TRIP12: variants seen among roughly 807,000 people sequenced by gnomAD.
TRIP12 encodes thyroid hormone receptor interactor 12.
In TRIP12, 25 loss-of-function variants were observed where a neutral mutation model predicts 244.2. The ratio of observed to expected loss-of-function variants is 0.10; its 90% CI spans 0.07 to 0.14. The LOEUF is 0.14. Among genes scored for constraint, TRIP12 ranks in the 10% least tolerant of loss-of-function variants. The pLI is 1.00. For synonymous variants in TRIP12, 905 were observed against 873.1 expected (o/e 1.04, Z -0.64); for missense variants, 1,677 against 2,486.4 (o/e 0.67, Z 6.92).
Position 229,858,999 on chromosome 2 carries a change from C to T in TRIP12, c.800G>A (p.Gly267Glu). 1 of 1,614,198 alleles carries T rather than the reference C, an allele frequency of 6.2e-7. No homozygotes were observed. Among genetic ancestry groups the T allele is most frequent in the Non-Finnish European group, 8.5e-7 (1 of 1,180,032 alleles). The part of the protein sequence containing the change: ...TVPPGARVKQ[G>E]KDQNKARRSR... ...ACGCCTGGCCTTGTTCTGATCTTTT[C>T]CTTGTTTCACTCTGGCACCTGGTGG... Residue 267 changes from glycine to glutamate, a missense_variant, in exon 4 of 42, where the codon GGA (glycine) becomes GAA (glutamate). By Grantham distance (98) the Gly-to-Glu change is moderately conservative (BLOSUM62 -2). Coordinates refer to ENST00000675903, the MANE Select transcript of TRIP12 (RefSeq NM_001348323.3).
chr2:229,901,757 G>T (rs906863486), intron 1 of TRIP12, among the ~76,000 whole-genome samples: 2 of 152,066 alleles, frequency 1.3e-5, no homozygotes, highest in Non-Finnish European at 2.9e-5. Context: ...CAGACAAATA[G>T]CAATTACCAG....
intron 2 of TRIP12, among the ~76,000 whole-genome samples, chr2:229,876,230 G>A (rs1363221598): frequency 1.3e-5 from 2 of 152,028 alleles, no homozygotes; most frequent in Non-Finnish European, 2.9e-5. Context: ...GAGCCCGGAT[G>A]ATGCCACTGC....
At chr2:229,811,521 AT>A (rs1171222285) in intron 13 of TRIP12, among the ~76,000 whole-genome samples, 4 of 152,166 alleles carry the variant, frequency 2.6e-5, no homozygotes, top group Non-Finnish European at 5.9e-5. Flanking sequence ...AAATATATAA[AT>A]ATCCTACTTT....
At chr2:229,813,593 G>A (rs895660228) in intron 13 of TRIP12, among the ~76,000 whole-genome samples, 1 of 152,084 alleles carries the variant, frequency 6.6e-6, no homozygotes, top group Non-Finnish European at 1.5e-5. Flanking sequence ...AGACCAGCCT[G>A]GCCAACATAG....
chr2:229,922,521 C>T (rs577947245), upstream of TRIP12: 4 of 1,613,904 alleles, frequency 2.5e-6, no homozygotes. Flanking sequence ...AAGATGGCGT[C>T]GTGGCTGCCG....
chr2:229,776,883 T>C (rs548694789), intron 37 of TRIP12, among the ~76,000 whole-genome samples: 5 of 152,180 alleles, frequency 3.3e-5, no homozygotes, highest in African/African-American at 1.2e-4. Context: ...CAAGGAATAG[T>C]TGTTGGCACT....
At chr2:229,922,388 C>T, upstream of TRIP12, 2 of 890,252 alleles carry the variant, frequency 2.2e-6, no homozygotes, top group East Asian at 2.6e-5. Context: ...GGACGATCGC[C>T]CCAAGTTAGA....
chr2:229,781,005 C>A (rs1303862877), intron 34 of TRIP12, among the ~76,000 whole-genome samples: 1 of 152,234 alleles, frequency 6.6e-6, no homozygotes, highest in Non-Finnish European at 1.5e-5. Context: ...CCAGGTTCAA[C>A]AGAAGTCACA....
intron 1 of TRIP12, among the ~76,000 whole-genome samples, chr2:229,880,608 C>T (rs1368622737): frequency 6.6e-6 from 1 of 152,192 alleles, no homozygotes; most frequent in African/African-American, 2.4e-5. Flanking sequence ...GTCATGTCTT[C>T]TTCACAGTAT....
In TRIP12 at chr2:229,770,013, C is replaced by A. The variant is rs532292153; in HGVS notation, c.5809-688G>T. Among the ~76,000 whole-genome samples the A allele has an allele frequency of 2.6e-5, 4 of 152,270 alleles. No individual in the cohort carries two copies. The East Asian group carries it at 7.7e-4, about 29-fold the overall frequency. On this transcript the variant is annotated intron_variant, in intron 39 of 41. Coordinates refer to ENST00000675903, the MANE Select transcript of TRIP12 (RefSeq NM_001348323.3). ...AAAGACAAAGCTTTGCTCTGTTGCC[C>A]AGGCTGGAGTGTAGTGGCCTAATCA...
chr2:229,850,859 G>A lies in TRIP12; in HGVS notation c.1027+7913C>T, dbSNP rs567830529. On this transcript the variant is annotated intron_variant, in intron 4 of 41. Transcript: ENST00000675903. ...CCAGGCAATGAGGGGCTCAGCACCC[G>A]GGCCAGCGGCTGCGGAGAGTGTACT... 6.6e-4 allele frequency among the ~76,000 whole-genome samples: 101 copies of A among 152,340 alleles called. 1 individual carries two copies. Among genetic ancestry groups the A allele is most frequent in the African/African-American group, 1.6e-3 (65 of 41,584 alleles).
At position 229,834,422 on chromosome 2, in the gene TRIP12, A is replaced by G. The variant is rs190409994; in HGVS notation, c.1270+2426T>C. On this transcript the variant is annotated intron_variant, in intron 6 of 41. Transcript: ENST00000675903. ...CCACTAGCATTTGCAAGACTTTATC[A>G]ACACTATAAAGGTCTGTACAGTTCT... 3.4e-4 allele frequency among the ~76,000 whole-genome samples: 52 copies of G among 152,354 alleles called. 1 individual carries two copies. Among genetic ancestry groups the G allele is most frequent in the Admixed American group, 3.0e-3 (46 of 15,310 alleles).
At chr2:229,803,727 G>T in intron 19 of TRIP12, 38 bp from the exon 20 acceptor site, 1 of 1,446,458 alleles carries the variant, frequency 6.9e-7, no homozygotes, top group Non-Finnish European at 9.5e-7. Context: ...AACTCTGCCT[G>T]AATTTGATGA....
At chr2:229,816,998 T>C (rs892010647) in intron 9 of TRIP12, among the ~76,000 whole-genome samples, 1 of 152,238 alleles carries the variant, frequency 6.6e-6, no homozygotes, top group African/African-American at 2.4e-5. Context: ...ATTTGATAAC[T>C]GGCTTTTATT....
At chr2:229,830,622 ATTT>A in intron 7 of TRIP12, 131 bp downstream of exon 7, 1 of 660,128 alleles carries the variant, frequency 1.5e-6, no homozygotes, top group Non-Finnish European at 2.4e-6. Context: ...GCTACTAAAA[ATTT>A]TTTTTTCTTG....
At chr2:229,815,849 T>C (rs2048369262) in intron 9 of TRIP12, among the ~76,000 whole-genome samples, 3 of 152,148 alleles carry the variant, frequency 2.0e-5, no homozygotes, top group Admixed American at 6.6e-5. Context: ...CAGAAACTAA[T>C]TATGCACTAA....
rs541192814 is a variant in TRIP12 at position 229,876,566 on chromosome 2, G to C, written c.98+3416C>G. ...GATTTGTCATTCTACAAATCTAATC[G>C]AGTTCCATCTCTGTTACAACTTTGA... On this transcript the variant is annotated intron_variant, in intron 2 of 41. Transcript: ENST00000675903. Among the ~76,000 whole-genome samples the C allele has an allele frequency of 4.6e-4, 70 of 152,244 alleles. No homozygotes were observed. In the South Asian group the frequency reaches 0.014, roughly 31 times the overall value.
Position 229,815,274 on chromosome 2 carries a change from A to G in TRIP12, c.1634T>C (p.Ile545Thr), listed in dbSNP as rs1384815366. 4 of 1,490,464 alleles carry G rather than the reference A, an allele frequency of 2.7e-6. No homozygotes were observed. The highest frequency in any genetic ancestry group is 3.5e-5 in the Admixed American group (2 of 57,424). 92.3% of individuals were successfully genotyped at this position (1,490,464 alleles called of 1,614,324 possible). Residue 545 changes from isoleucine to threonine, a missense_variant and splice_region_variant, in exon 10 of 42, where the codon ATT becomes ACT. Coordinates refer to ENST00000675903, the MANE Select transcript of TRIP12 (RefSeq NM_001348323.3). ...TLLQMEHNFD[I>T]MNHACRALTY... Reference sequence around the variant, plus strand: ...TAAAAAAATACAATATATACTTACAATATCAAAATTGTGCTCCATCTGAAG... The same window carrying G: ...TAAAAAAATACAATATATACTTACAGTATCAAAATTGTGCTCCATCTGAAG...
chr2:229,772,897 C>A (rs2034943368), intron 38 of TRIP12, among the ~76,000 whole-genome samples: 1 of 152,014 alleles, frequency 6.6e-6, no homozygotes, highest in South Asian at 2.1e-4. Flanking sequence ...GGGTAGATAG[C>A]CATTCTGACC....
Sources: gnomAD v4.1 joint callset for allele counts (sites outside exome capture counted in the v4.1 genomes callset) on GRCh38, gnomAD v4.1.1 for gene constraint, MANE v1.5 for transcripts, NCBI Gene and HGNC (gene_info 2026-07-23, HGNC 2026-07-21) for gene names.